FNBP1L: variants seen among roughly 807,000 people sequenced by gnomAD.
FNBP1L encodes formin-binding protein 1-like.
In FNBP1L, 36 loss-of-function variants were observed where a neutral mutation model predicts 91.2. The ratio of observed to expected loss-of-function variants is 0.39; its 90% confidence interval spans 0.30 to 0.52. The LOEUF (loss-of-function observed/expected upper bound fraction) is 0.52. FNBP1L is among the 20% of genes least tolerant of loss of function. FNBP1L has a pLI of 0.66. For missense variants in FNBP1L, 571 were observed against 732.1 expected, an observed-to-expected ratio of 0.78 and a Z score of 2.54; for synonymous variants, 242 against 237.0, an observed-to-expected ratio of 1.02 and a Z score of -0.19.
At chr1:93,551,997 G>A (rs1672429735) in intron 16 of FNBP1L, 1 of 995,966 alleles carries the variant, frequency 1.0e-6, no homozygotes, top group African/African-American at 1.7e-5. Context: ...GAGGGGAAGT[G>A]TTGACAAATT....
At chr1:93,534,653 G>A (rs930487898) in intron 8 of FNBP1L, 52 bp from the exon 9 acceptor site, 1 of 1,248,686 alleles carries the variant, frequency 8.0e-7, no homozygotes, top group Non-Finnish European at 1.1e-6. Context: ...GAAAGCTGAT[G>A]TAGAATTATG....
chr1:93,457,475 GGTT>G (rs1036304375), intron 1 of FNBP1L, among the ~76,000 whole-genome samples: 1 of 152,068 alleles, frequency 6.6e-6, no homozygotes, highest in Non-Finnish European at 1.5e-5. Context: ...TCCCTTGTGT[GGTT>G]GTTGGATTTT....
chr1:93,551,920 T>C, intron 16 of FNBP1L: 2 of 985,880 alleles, frequency 2.0e-6, no homozygotes, highest in Non-Finnish European at 2.4e-6. Context: ...CATTTAGCAG[T>C]TACACATAGG....
intron 1 of FNBP1L, among the ~76,000 whole-genome samples, chr1:93,470,716 T>C (rs1436698650): frequency 6.6e-6 from 1 of 151,866 alleles, no homozygotes; most frequent in African/African-American, 2.4e-5. Flanking sequence ...CTACTAAACA[T>C]ATAAAAATTG....
rs142493639 is a variant in FNBP1L at position 93,492,512 on chromosome 1, T to C, written c.25-6956T>C. On this transcript the variant is annotated intron_variant, in intron 1 of 16. Coordinates refer to ENST00000271234, the MANE Select transcript of FNBP1L (RefSeq NM_001164473.3). ...TACTAGTATTTAAAATGTGAGTTGA[T>C]ACTGGTGTCTTGTCTTGGACTTAGA... Among the ~76,000 whole-genome samples, 3 of 152,308 alleles carry C rather than the reference T, an allele frequency of 2.0e-5. No homozygotes were observed. In the East Asian group the frequency reaches 5.8e-4, roughly 29 times the overall value.
chr1:93,494,979 G>C (rs538363564), intron 1 of FNBP1L, among the ~76,000 whole-genome samples: 1 of 152,006 alleles, frequency 6.6e-6, no homozygotes, highest in South Asian at 2.1e-4. Context: ...CCATGATTCA[G>C]TTACCTCCCG....
intron 8 of FNBP1L, 124 bp from the exon 9 acceptor site, chr1:93,534,581 G>A (rs1451037166): frequency 3.4e-6 from 2 of 588,194 alleles, no homozygotes; most frequent in Admixed American, 6.3e-5. Flanking sequence ...TTACCTTAAT[G>A]ATTATTGTGG....
intron 2 of FNBP1L, among the ~76,000 whole-genome samples, chr1:93,505,110 CT>C (rs61426757): frequency 1.2e-3 from 146 of 125,182 alleles, no homozygotes; most frequent in Middle Eastern, 8.4e-3. Flanking sequence ...CAGCTTCATT[CT>C]TTTTTTTTTT....
chr1:93,464,982 A>AT (rs1669023012), intron 1 of FNBP1L, among the ~76,000 whole-genome samples: 1 of 152,128 alleles, frequency 6.6e-6, no homozygotes, highest in Non-Finnish European at 1.5e-5. Context: ...GGGCCACAAT[A>AT]GTCATAAGAT....
intron 2 of FNBP1L, among the ~76,000 whole-genome samples, chr1:93,519,423 G>A (rs1671243182): frequency 6.6e-6 from 1 of 152,066 alleles, no homozygotes; most frequent in Non-Finnish European, 1.5e-5. Flanking sequence ...TATCTCTTTA[G>A]GCTTAGTCAG....
At chr1:93,473,131 T>C in intron 1 of FNBP1L, among the ~76,000 whole-genome samples, 1 of 152,178 alleles carries the variant, frequency 6.6e-6, no homozygotes, top group Non-Finnish European at 1.5e-5. Flanking sequence ...ATTTCTTTTT[T>C]TCATCTCTTT....
intron 1 of FNBP1L, among the ~76,000 whole-genome samples, chr1:93,475,356 C>T (rs369612469): frequency 3.3e-5 from 5 of 151,766 alleles, no homozygotes; most frequent in East Asian, 1.9e-4. Flanking sequence ...CCAGAAGCAA[C>T]GTAGAGAGAC....
intron 1 of FNBP1L, among the ~76,000 whole-genome samples, chr1:93,458,419 C>G (rs970625471): frequency 2.6e-5 from 4 of 152,110 alleles, no homozygotes; most frequent in Non-Finnish European, 5.9e-5. Flanking sequence ...CATGAGCTAC[C>G]GTGCCCAGCC....
intron 1 of FNBP1L, among the ~76,000 whole-genome samples, chr1:93,456,053 A>G (rs970119419): frequency 6.6e-6 from 1 of 152,246 alleles, no homozygotes; most frequent in Non-Finnish European, 1.5e-5. Flanking sequence ...AGATCGCTTG[A>G]GCCCAGGAAT....
In FNBP1L at chr1:93,471,122, C is replaced by T. The variant is rs144745481; in HGVS notation, c.24+22817C>T. 8.7e-3 allele frequency among the ~76,000 whole-genome samples: 1,330 copies of T among 152,148 alleles called. 18 individuals are homozygous for T. Among genetic ancestry groups the T allele is most frequent in the African/African-American group, 0.031 (1,268 of 41,502 alleles). On this transcript the variant is annotated intron_variant, in intron 1 of 16. Coordinates refer to ENST00000271234, the MANE Select transcript of FNBP1L (RefSeq NM_001164473.3). ...AGTTGAGTGTTCCTTATCCAAAATGCTTAGGACCAGAAGATTTTAATATTT... is the reference window on the plus strand; with the variant it reads ...AGTTGAGTGTTCCTTATCCAAAATGTTTAGGACCAGAAGATTTTAATATTT...
At chr1:93,511,783 G>A (rs1240664900) in intron 2 of FNBP1L, among the ~76,000 whole-genome samples, 20 of 150,870 alleles carry the variant, frequency 1.3e-4, no homozygotes, top group African/African-American at 3.4e-4. Flanking sequence ...CGGCTAAAAC[G>A]GTGAAACCCC....
At chr1:93,529,819 C>A in intron 6 of FNBP1L, 63 bp downstream of exon 6, 1 of 972,168 alleles carries the variant, frequency 1.0e-6, no homozygotes, top group South Asian at 1.7e-5. Flanking sequence ...GGAAAGTAGT[C>A]ACGACATTTG....
chr1:93,475,076 T>A (rs957455777), intron 1 of FNBP1L, among the ~76,000 whole-genome samples: 3 of 152,074 alleles, frequency 2.0e-5, no homozygotes, highest in African/African-American at 7.2e-5. Context: ...TGAAGTGACT[T>A]CTTCTTTTTT....
At chr1:93,512,362 A>C (rs1182021943) in intron 2 of FNBP1L, among the ~76,000 whole-genome samples, 3 of 151,718 alleles carry the variant, frequency 2.0e-5, no homozygotes, top group Non-Finnish European at 4.4e-5. Context: ...AGACAAATCA[A>C]CGAGACAGAA....
Sources: allele counts gnomAD v4.1 joint callset (sites outside exome capture counted in the v4.1 genomes callset), GRCh38; gene constraint gnomAD v4.1.1; transcripts MANE v1.5; gene names NCBI Gene and HGNC (gene_info 2026-07-23, HGNC 2026-07-21).